The following SATL1 variants were observed in gnomAD, a reference collection of about 807,000 sequenced individuals.
SATL1 encodes spermidine/spermine N(1)-acetyltransferase-like protein 1.
In SATL1, 47 loss-of-function variants were observed where a neutral mutation model predicts 51.8. The observed-to-expected ratio is 0.91, with a 90% CI of 0.72 to 1.16. SATL1 has a LOEUF of 1.16. SATL1 is among the 50% of genes most tolerant of loss of function. The pLI, the probability that SATL1 is intolerant of heterozygous loss-of-function variation, is 0.00. For missense variants in SATL1, 520 were observed against 526.4 expected (o/e 0.99, Z 0.12); for synonymous variants, 176 against 182.4 (o/e 0.97, Z 0.28).
chrX:85,233,119 G>A (rs1928417077), intron 1 of SATL1, among the ~76,000 whole-genome samples: 1 of 111,839 alleles, frequency 8.9e-6, no homozygotes, highest in African/African-American at 3.3e-5. Context: ...CATTTATTTG[G>A]GAGAAAGTAA....
chrX:85,156,911 A>G (rs778105065), intron 2 of SATL1, among the ~76,000 whole-genome samples: 1 of 99,362 alleles, frequency 1.0e-5, no homozygotes, highest in Non-Finnish European at 2.0e-5. Context: ...CTAGTAGCAC[A>G]GATTCTCTAA....
At chrX:85,127,109 T>C (rs1375465317) in intron 2 of SATL1, among the ~76,000 whole-genome samples, 13 of 111,344 alleles carry the variant, frequency 1.2e-4, no homozygotes, top group Non-Finnish European at 1.9e-4. Context: ...CAGAGTCCTA[T>C]GCAATATACT....
intron 1 of SATL1, among the ~76,000 whole-genome samples, chrX:85,238,401 C>T (rs1928521390): frequency 9.0e-6 from 1 of 111,631 alleles, no homozygotes; most frequent in African/African-American, 3.3e-5. Context: ...GGCATCCTGT[C>T]ATTTGCAACA....
intron 2 of SATL1, among the ~76,000 whole-genome samples, chrX:85,156,813 T>TTATATA (rs71933802): frequency 3.5e-4 from 22 of 62,236 alleles, no homozygotes; most frequent in African/African-American, 6.5e-4. Context: ...CATGTGGAGA[T>TTATATA]TATATATATA....
intron 2 of SATL1, among the ~76,000 whole-genome samples, chrX:85,146,824 C>A (rs760472248): frequency 8.9e-6 from 1 of 112,581 alleles, no homozygotes; most frequent in Non-Finnish European, 1.9e-5. Context: ...AATACATGGA[C>A]ATTTCTGGCT....
At chrX:85,227,543 G>T (rs1273101304) in intron 1 of SATL1, among the ~76,000 whole-genome samples, 2 of 111,116 alleles carry the variant, frequency 1.8e-5, no homozygotes, top group African/African-American at 6.5e-5. Context: ...AAGTATTCTT[G>T]CAAACGTTAT....
rs778063104 is a variant in SATL1 at position 85,103,861 on chromosome X, T to C, written c.1693+3A>G. 2.5e-6 allele frequency: 3 copies of C among 1,180,965 alleles called. No individual in the cohort carries two copies. Among genetic ancestry groups the C allele is most frequent in the Non-Finnish European group, 3.5e-6 (3 of 869,102 alleles). ...GCTCTGAAAATACCACAAAACACCT[T>C]ACCAGCTGCTGTTAACTCCATTGCA... On this transcript the variant is annotated splice_donor_region_variant and intron_variant, in intron 4 of 7. Transcript: ENST00000644105.
At chrX:85,132,523 C>T (rs1404403383) in intron 2 of SATL1, among the ~76,000 whole-genome samples, 6 of 111,815 alleles carry the variant, frequency 5.4e-5, no homozygotes, top group African/African-American at 1.9e-4. Flanking sequence ...GTCTTTTCTA[C>T]ACTGTTTATT....
At chrX:85,167,254 G>C (rs920940498) in intron 2 of SATL1, among the ~76,000 whole-genome samples, 2 of 103,994 alleles carry the variant, frequency 1.9e-5, no homozygotes, top group Non-Finnish European at 3.9e-5. Context: ...AGAGAGATGG[G>C]GGGGGGGTTG....
At chrX:85,203,078 G>T (rs949151612) in intron 2 of SATL1, among the ~76,000 whole-genome samples, 2 of 111,475 alleles carry the variant, frequency 1.8e-5, no homozygotes, top group Non-Finnish European at 3.8e-5. Flanking sequence ...GGGCTGCTGC[G>T]GTATGCTTGG....
intron 2 of SATL1, among the ~76,000 whole-genome samples, chrX:85,149,971 G>A (rs1569237269): frequency 9.0e-6 from 1 of 111,349 alleles, no homozygotes; most frequent in Non-Finnish European, 1.9e-5. Context: ...AATCAGAGCA[G>A]AACTGAAAGA....
chrX:85,153,626 G>T (rs1926519546), intron 2 of SATL1: 1 of 111,906 alleles, frequency 8.9e-6, no homozygotes. Context: ...AAGGAGAAAT[G>T]TGATGGTTGA....
intron 2 of SATL1, among the ~76,000 whole-genome samples, chrX:85,217,061 C>T (rs1476744858): frequency 8.9e-6 from 1 of 111,925 alleles, no homozygotes; most frequent in Non-Finnish European, 1.9e-5. Flanking sequence ...CTAGTATGTG[C>T]CAAGACCTGT....
intron 1 of SATL1, among the ~76,000 whole-genome samples, chrX:85,237,493 G>T (rs1928503665): frequency 9.0e-6 from 1 of 111,402 alleles, no homozygotes; most frequent in Admixed American, 9.5e-5. Context: ...AAATGGTGCT[G>T]GGAAAACTGG....
In SATL1 at chrX:85,216,565, T is replaced by C. The variant is rs148655175; in HGVS notation, c.-313+7640A>G. ...GCTAGCTGTCATCTAAAGGCCACTG[T>C]CAGCTCCTAGAAGCCACTTGCAGTT... is the stretch of plus-strand genomic sequence containing the variant. On this transcript the variant is annotated intron_variant, in intron 2 of 7. Coordinates refer to ENST00000644105, the MANE Select transcript of SATL1 (RefSeq NM_001367857.2). 6.4e-3 allele frequency among the ~76,000 whole-genome samples: 716 copies of C among 111,596 alleles called. 6 individuals are homozygous for C. Among genetic ancestry groups the C allele is most frequent in the African/African-American group, 0.022 (681 of 30,722 alleles).
chrX:85,230,557 T>C (rs1303889784), intron 1 of SATL1, among the ~76,000 whole-genome samples: 9 of 112,056 alleles, frequency 8.0e-5, no homozygotes, highest in African/African-American at 2.9e-4. Flanking sequence ...AAAACCAAGA[T>C]AGACAAGTGG....
intron 2 of SATL1, among the ~76,000 whole-genome samples, chrX:85,195,191 G>C (rs965352581): frequency 7.2e-5 from 8 of 111,011 alleles, no homozygotes; most frequent in African/African-American, 2.6e-4. Context: ...TCATAGAAAT[G>C]GTAGTTAAAA....
chrX:85,142,053 T>C (rs1156966285), intron 2 of SATL1, among the ~76,000 whole-genome samples: 3 of 104,550 alleles, frequency 2.9e-5, no homozygotes, highest in Admixed American at 2.0e-4. Flanking sequence ...TAATATTAAG[T>C]ACATACTTTA....
chrX:85,135,641 G>A (rs946460187), intron 2 of SATL1, among the ~76,000 whole-genome samples: 1 of 107,167 alleles, frequency 9.3e-6, no homozygotes, highest in Non-Finnish European at 1.9e-5. Context: ...GCATGATCTC[G>A]GCTCACTACT....
Sources: allele counts gnomAD v4.1 joint callset (sites outside exome capture counted in the v4.1 genomes callset), GRCh38; gene constraint gnomAD v4.1.1; transcripts MANE v1.5; gene names NCBI Gene and HGNC (gene_info 2026-07-23, HGNC 2026-07-21).